The following HMCN2 variants were observed in gnomAD, a reference collection of about 807,000 sequenced individuals.
HMCN2 encodes the protein hemicentin 2, also known as hemicentin-2.
In HMCN2, 325 loss-of-function variants were observed where a neutral mutation model predicts 377.5. The ratio of observed to expected loss-of-function variants is 0.86; its 90% CI spans 0.79 to 0.94. The LOEUF (loss-of-function observed/expected upper bound fraction) is 0.94, where lower values mean the gene tolerates loss of function less well. HMCN2 is among the 40% of genes least tolerant of loss of function. HMCN2 has a pLI of 0.00. For synonymous variants in HMCN2, 2,007 were observed against 2,046.8 expected, an observed-to-expected ratio of 0.98 and a Z score of 0.53; for missense variants, 4,543 against 4,725.3, an observed-to-expected ratio of 0.96 and a Z score of 1.13.
At chr9:130,307,734 C>T (rs566765054) in intron 14 of HMCN2, among the ~76,000 whole-genome samples, 168 bp downstream of exon 14, 2 of 152,058 alleles carry the variant, frequency 1.3e-5, no homozygotes, top group Non-Finnish European at 2.9e-5. Context: ...GCTCCCCCAC[C>T]CTCACCCCCA....
At chr9:130,378,386 G>A (rs1841509279) in intron 53 of HMCN2, among the ~76,000 whole-genome samples, 1 of 103,534 alleles carries the variant, frequency 9.7e-6, no homozygotes. Context: ...GGCTGGGATG[G>A]GGAGGCTGGG....
intron 23 of HMCN2, chr9:130,338,533 A>T (rs1838878484): frequency 6.6e-6 from 1 of 152,262 alleles, no homozygotes; most frequent in Non-Finnish European, 1.5e-5. Context: ...TGCACCTATA[A>T]CAGTGGGTGC....
At chr9:130,409,122 C>T (rs1003140938) in intron 84 of HMCN2, among the ~76,000 whole-genome samples, 189 bp downstream of exon 84, 3 of 152,238 alleles carry the variant, frequency 2.0e-5, no homozygotes. Context: ...TTTTCCATTC[C>T]TCCGTCATCC....
chr9:130,353,851 G>A (rs1839868770), intron 31 of HMCN2, among the ~76,000 whole-genome samples: 1 of 152,152 alleles, frequency 6.6e-6, no homozygotes, highest in Non-Finnish European at 1.5e-5. Context: ...GTCTGAGCAG[G>A]GCCCCGGTGA....
intron 1 of HMCN2, among the ~76,000 whole-genome samples, chr9:130,266,922 C>T (rs1554919244): frequency 6.6e-6 from 1 of 151,368 alleles, no homozygotes; most frequent in African/African-American, 2.4e-5. Context: ...AGGTTCCCAG[C>T]GGCGAGGAGC....
intron 40 of HMCN2, among the ~76,000 whole-genome samples, chr9:130,363,742 G>C (rs1443308037): frequency 6.6e-6 from 1 of 150,462 alleles, no homozygotes; most frequent in Non-Finnish European, 1.5e-5. Flanking sequence ...AGAATCACTT[G>C]AACCTGGGAG....
intron 19 of HMCN2, among the ~76,000 whole-genome samples, chr9:130,323,135 G>A (rs1408890304): frequency 6.6e-6 from 1 of 152,146 alleles, no homozygotes; most frequent in Non-Finnish European, 1.5e-5. Context: ...TTCCCACTGT[G>A]CCCTCACAGC....
At chr9:130,335,241 C>T (rs1037520704) in intron 22 of HMCN2, among the ~76,000 whole-genome samples, 12 of 152,048 alleles carry the variant, frequency 7.9e-5, no homozygotes, top group African/African-American at 2.4e-4. Flanking sequence ...GGGAGGGGAC[C>T]GCATCCCAGC....
At chr9:130,277,754 T>TCATCATCATCACCACCAC (rs1564739293) in intron 1 of HMCN2, among the ~76,000 whole-genome samples, 1 of 113,240 alleles carries the variant, frequency 8.8e-6, no homozygotes, top group Non-Finnish European at 1.9e-5. Flanking sequence ...ACCACCACCA[T>TCATCATCATCACCACCAC]CATCATCATC....
intron 54 of HMCN2, among the ~76,000 whole-genome samples, chr9:130,380,633 T>C (rs1316059614): frequency 6.6e-6 from 1 of 151,752 alleles, no homozygotes; most frequent in Admixed American, 6.6e-5. Flanking sequence ...CAAAATATTT[T>C]AAAACTAGCT....
intron 22 of HMCN2, among the ~76,000 whole-genome samples, chr9:130,333,615 G>C (rs1253951510): frequency 6.6e-6 from 1 of 152,182 alleles, no homozygotes; most frequent in Non-Finnish European, 1.5e-5. Context: ...ATCACACCAT[G>C]TGCCCAACAG....
chr9:130,412,567 C>CTT (rs55873444), intron 85 of HMCN2, among the ~76,000 whole-genome samples: 47,613 of 134,576 alleles, frequency 0.35, 8,935 homozygotes, highest in Non-Finnish European at 0.43. Flanking sequence ...CTTTCTTTCT[C>CTT]TTTTTTTTTT....
At chr9:130,268,961 C>G (rs1554920191) in intron 1 of HMCN2, among the ~76,000 whole-genome samples, 1 of 148,942 alleles carries the variant, frequency 6.7e-6, no homozygotes. Flanking sequence ...TGATTTAGGC[C>G]TGGCTGTGCC....
At chr9:130,366,559 T>C (rs1840699672) in intron 43 of HMCN2, among the ~76,000 whole-genome samples, 1 of 146,034 alleles carries the variant, frequency 6.8e-6, no homozygotes, top group Non-Finnish European at 1.5e-5. Flanking sequence ...GTTGGAGTGA[T>C]TCTCCTGCCT....
rs1028226664 is a variant in HMCN2, at chr9:130,351,897, C to T, written c.4585+320C>T. On this transcript the variant is annotated intron_variant, in intron 30 of 97. Transcript: ENST00000683500. This position sits in a 1 kb window ranked among gnomAD's most constrained non-coding sequence, Gnocchi z 5.4. ...CACCATCTTGGCTCACTGCAACCTC[C>T]CCCTCCCAGATTCAAGTGATTCTCT... Among the ~76,000 whole-genome samples the T allele has an allele frequency of 6.6e-6, 1 of 152,106 alleles. No homozygotes were observed. Among genetic ancestry groups the T allele is most frequent in the African/African-American group, 2.4e-5 (1 of 41,392 alleles).
chr9:130,341,241 G>A lies in HMCN2; in HGVS notation c.3618G>A (p.Gln1206=), dbSNP rs1839030854. ...LSWSKDGVVL[Q]GRGPQGSVHF... Reference sequence around the variant, plus strand: ...GGTCCAAGGATGGCGTGGTGTTGCAGGGCCGGGGGCCTCAGGGCTCCGTCC... The same window carrying A: ...GGTCCAAGGATGGCGTGGTGTTGCAAGGCCGGGGGCCTCAGGGCTCCGTCC... The change falls in exon 24 of 98, where the codon CAG becomes CAA. Residue 1206 remains glutamine (Q), a synonymous_variant. Transcript: ENST00000683500. The A allele has an allele frequency of 6.6e-6, 1 of 152,342 alleles. No homozygotes were observed. Among genetic ancestry groups the A allele is most frequent in the Non-Finnish European group, 1.5e-5 (1 of 68,140 alleles). The allele number at this position is 152,342 out of a possible 1,614,324, so 9.4% of individuals were successfully genotyped here.
rs558331677 is a variant in HMCN2 at position 130,355,880 on chromosome 9, G to A, written c.5255+26G>A. ...GTGAGTCTGGGGTGGTGGAGGCCAG[G>A]GCTGGGGGTAGGCAGAGAGCGTGTG... On this transcript the variant is annotated intron_variant, in intron 33 of 97. Coordinates refer to ENST00000683500, the MANE Select transcript of HMCN2 (RefSeq NM_001291815.2). 4.0e-6 allele frequency: 5 copies of A among 1,240,018 alleles called. No homozygotes were observed. The African/African-American group carries it at 7.7e-5, about 19-fold the overall frequency. The allele number at this position is 1,240,018 out of a possible 1,614,324, so 76.8% of individuals were successfully genotyped here.
At chr9:130,345,688 G>A (rs1274161058) in intron 25 of HMCN2, among the ~76,000 whole-genome samples, 4 of 151,752 alleles carry the variant, frequency 2.6e-5, no homozygotes, top group Non-Finnish European at 5.9e-5. Flanking sequence ...AGCCCCTGGC[G>A]GTGGGACATT....
intron 82 of HMCN2, chr9:130,407,252 GAA>G (rs535053689): frequency 2.1e-4 from 34 of 159,968 alleles, no homozygotes; most frequent in South Asian, 9.6e-4. Flanking sequence ...CTGTCTCAAA[GAA>G]AAAAAAAAAA....
Sources: allele counts gnomAD v4.1 joint callset (sites outside exome capture counted in the v4.1 genomes callset), GRCh38; gene constraint gnomAD v4.1.1; non-coding constraint Gnocchi (gnomAD v3.1); transcripts MANE v1.5; gene names NCBI Gene and HGNC (gene_info 2026-07-23, HGNC 2026-07-21).